The following CFAP210 variants were observed in gnomAD, a reference collection of about 807,000 sequenced individuals.
CFAP210 encodes the protein cilia- and flagella- associated protein 210.
At chr2:169,650,773 T>G in the CFAP210 span, among the ~76,000 whole-genome samples, 3 of 150,598 alleles carry the variant, frequency 2.0e-5, no homozygotes, top group African/African-American at 7.3e-5. Flanking sequence ...TGTGTGTGTT[T>G]AAGAAATAAG....
the CFAP210 span, among the ~76,000 whole-genome samples, chr2:169,678,376 GAAATTAA>G: frequency 7.3e-6 from 1 of 136,466 alleles, no homozygotes. Flanking sequence ...AAGAAAGAAA[GAAATTAA>G]GCCTTAAACA....
the CFAP210 span, among the ~76,000 whole-genome samples, chr2:169,662,815 C>G: frequency 6.6e-6 from 1 of 152,222 alleles, no homozygotes; most frequent in African/African-American, 2.4e-5. Flanking sequence ...TGGGCCTAGC[C>G]TCTCAAGGAA....
At chr2:169,650,598 T>G in the CFAP210 span, 1 of 1,350,530 alleles carries the variant, frequency 7.4e-7, no homozygotes, top group Non-Finnish European at 9.5e-7. Flanking sequence ...AATTAGGGAA[T>G]CTGAGATATT....
chr2:169,663,981 G>A, the CFAP210 span, among the ~76,000 whole-genome samples: 1 of 150,022 alleles, frequency 6.7e-6, no homozygotes, highest in Non-Finnish European at 1.5e-5. Context: ...CTGAGGTCAG[G>A]AGTTTGAGAC....
At chr2:169,690,699 C>A in the CFAP210 span, among the ~76,000 whole-genome samples, 1 of 149,240 alleles carries the variant, frequency 6.7e-6, no homozygotes, top group Non-Finnish European at 1.5e-5. Flanking sequence ...AAGACTTTTT[C>A]TTTCAGTAAT....
chr2:169,668,957 G>T, the CFAP210 span, among the ~76,000 whole-genome samples: 1 of 152,084 alleles, frequency 6.6e-6, no homozygotes, highest in Admixed American at 6.6e-5. Context: ...ACAAATCTTC[G>T]ATTTGTAAAA....
At chr2:169,650,166 G>A in the CFAP210 span, among the ~76,000 whole-genome samples, 1 of 152,192 alleles carries the variant, frequency 6.6e-6, no homozygotes, top group Non-Finnish European at 1.5e-5. Context: ...ATCTTTGTTA[G>A]GAAGTAAACA....
At chr2:169,663,083 G>T in the CFAP210 span, among the ~76,000 whole-genome samples, 1 of 152,094 alleles carries the variant, frequency 6.6e-6, no homozygotes, top group Admixed American at 6.6e-5. Flanking sequence ...ATCGCTACCA[G>T]GAGCTCCCAC....
At chr2:169,654,777 A>G in the CFAP210 span, among the ~76,000 whole-genome samples, 2 of 152,000 alleles carry the variant, frequency 1.3e-5, no homozygotes, top group East Asian at 3.8e-4. Flanking sequence ...GAAAAAATAC[A>G]CCAAATATAT....
the CFAP210 span, among the ~76,000 whole-genome samples, chr2:169,649,727 T>C: frequency 6.6e-6 from 1 of 151,766 alleles, no homozygotes; most frequent in African/African-American, 2.4e-5. Flanking sequence ...AGGTCAGGAG[T>C]TCGAGACCAG....
At chr2:169,685,705 A>G in the CFAP210 span, among the ~76,000 whole-genome samples, 3 of 152,062 alleles carry the variant, frequency 2.0e-5, no homozygotes, top group African/African-American at 7.2e-5. Flanking sequence ...AGATGTATGT[A>G]TAAGTTTTCT....
At chr2:169,687,193 G>A in the CFAP210 span, among the ~76,000 whole-genome samples, 1 of 152,156 alleles carries the variant, frequency 6.6e-6, no homozygotes, top group African/African-American at 2.4e-5. Flanking sequence ...AGATTTGGGT[G>A]GGGACACAGC....
chr2:169,685,654 G>T, the CFAP210 span, among the ~76,000 whole-genome samples: 1 of 151,238 alleles, frequency 6.6e-6, no homozygotes, highest in African/African-American at 2.4e-5. Context: ...TGTGCTTTTG[G>T]TGTCATATCT....
the CFAP210 span, among the ~76,000 whole-genome samples, chr2:169,684,488 C>G: frequency 6.6e-6 from 1 of 152,216 alleles, no homozygotes; most frequent in Non-Finnish European, 1.5e-5. Context: ...CTCCTGGCAA[C>G]CACTAATCTA....
chr2:169,655,052 C>T, the CFAP210 span, among the ~76,000 whole-genome samples: 1 of 152,168 alleles, frequency 6.6e-6, no homozygotes. Flanking sequence ...AAAATCTGTT[C>T]ATATTAGCAT....
At chr2:169,647,063 G>A in the CFAP210 span, among the ~76,000 whole-genome samples, 1 of 151,926 alleles carries the variant, frequency 6.6e-6, no homozygotes, top group Non-Finnish European at 1.5e-5. Context: ...CCATATTAGT[G>A]TGAAATATCA....
chr2:169,671,222 A>C, the CFAP210 span, among the ~76,000 whole-genome samples: 1 of 152,092 alleles, frequency 6.6e-6, no homozygotes, highest in Non-Finnish European at 1.5e-5. Context: ...CTCCAAATCC[A>C]CCATATTCTA....
At chr2:169,686,331 A>T in the CFAP210 span, among the ~76,000 whole-genome samples, 2 of 152,234 alleles carry the variant, frequency 1.3e-5, no homozygotes, top group Non-Finnish European at 1.5e-5. Flanking sequence ...GTCAATATCA[A>T]CAAAAAAGCC....
the CFAP210 span, among the ~76,000 whole-genome samples, chr2:169,656,286 T>C: frequency 6.7e-6 from 1 of 148,490 alleles, no homozygotes; most frequent in Non-Finnish European, 1.5e-5. Context: ...TGAGACCCTG[T>C]CTCAAAAAAA....
Sources: gnomAD v4.1 joint callset for allele counts (sites outside exome capture counted in the v4.1 genomes callset) on GRCh38, gnomAD v4.1.1 for gene constraint, MANE v1.5 for transcripts, NCBI Gene and HGNC (gene_info 2026-07-23, HGNC 2026-07-21) for gene names.